OPCML: variants seen among roughly 807,000 people sequenced by gnomAD.
The protein encoded by OPCML is opioid-binding protein/cell adhesion molecule.
OPCML carries 13 observed loss-of-function variants against 37.8 expected under a neutral mutation model. The ratio of observed to expected loss-of-function variants is 0.34; its 90% CI spans 0.22 to 0.55. The LOEUF is 0.55. Among genes scored for constraint, OPCML ranks in the 20% least tolerant of loss-of-function variants. The probability of loss-of-function intolerance (pLI) is 0.91; values close to 1 mark genes in which losing one functional copy is unlikely to be tolerated. For synonymous variants in OPCML, 176 were observed against 168.8 expected (o/e 1.04, Z -0.33); for missense variants, 341 against 435.6 (o/e 0.78, Z 1.93).
intron 3 of OPCML, among the ~76,000 whole-genome samples, chr11:132,617,584 C>T (rs908940274): frequency 3.3e-5 from 5 of 152,238 alleles, no homozygotes; most frequent in African/African-American, 1.2e-4. Context: ...TCTCAGTCTT[C>T]TCAGGCTGCC....
At chr11:132,810,422 C>G (rs1939274124) in intron 2 of OPCML, among the ~76,000 whole-genome samples, 1 of 152,076 alleles carries the variant, frequency 6.6e-6, no homozygotes, top group African/African-American at 2.4e-5. Flanking sequence ...AAGCAAATAC[C>G]AGGCAGGGCA....
In OPCML at chr11:132,729,481, A is replaced by C. The variant is rs577335520; in HGVS notation, c.147-72162T>G. Among the ~76,000 whole-genome samples, 253 of 152,300 alleles carry C rather than the reference A, an allele frequency of 1.7e-3. 1 individual carries two copies. Among genetic ancestry groups the C allele is most frequent in the African/African-American group, 5.9e-3 (244 of 41,554 alleles). ...TAAGTCACACCTGTGTCAGGAACAG[A>C]ATGCCAAAAGATCCTTAATGTTACT... is the stretch of plus-strand genomic sequence containing the variant. On this transcript the variant is annotated intron_variant, in intron 2 of 7. Coordinates refer to ENST00000524381, the MANE Select transcript of OPCML (RefSeq NM_001012393.5).
Position 132,682,818 on chromosome 11 carries a change from G to A in OPCML, c.147-25499C>T, listed in dbSNP as rs75436944. Among the ~76,000 whole-genome samples the A allele has an allele frequency of 2.7e-3, 410 of 152,266 alleles. 2 individuals carry two copies. Among genetic ancestry groups the A allele is most frequent in the African/African-American group, 9.3e-3 (386 of 41,544 alleles). ...TCTATTCTACCAGACTTCACAATGC[G>A]TGACCCTCTCTCACACTGTGACCCA... On this transcript the variant is annotated intron_variant, in intron 2 of 7. Coordinates refer to ENST00000524381, the MANE Select transcript of OPCML (RefSeq NM_001012393.5).
chr11:132,641,527 G>C (rs1433206082), intron 3 of OPCML, among the ~76,000 whole-genome samples: 1 of 152,126 alleles, frequency 6.6e-6, no homozygotes, highest in Non-Finnish European at 1.5e-5. Context: ...CTTTTTAATG[G>C]CCTGGCCTTA....
At chr11:132,937,538 TGTGTGTGTGTGGA>T (rs1008024422) in intron 2 of OPCML, among the ~76,000 whole-genome samples, 1 of 146,666 alleles carries the variant, frequency 6.8e-6, no homozygotes, top group Non-Finnish European at 1.5e-5. Context: ...GTGTGTGTGG[TGTGTGTGTGTGGA>T]GTGTGTGTGT....
chr11:132,984,291 T>C (rs958092265), intron 1 of OPCML, among the ~76,000 whole-genome samples: 13 of 152,314 alleles, frequency 8.5e-5, no homozygotes, highest in African/African-American at 2.9e-4. Context: ...TACTCGATAA[T>C]TATTCATTTA....
At chr11:132,986,548 C>T (rs1946684363) in intron 1 of OPCML, among the ~76,000 whole-genome samples, 1 of 152,084 alleles carries the variant, frequency 6.6e-6, no homozygotes, top group African/African-American at 2.4e-5. Flanking sequence ...TAGCACTTTG[C>T]CTGGACCATA....
At chr11:133,192,263 A>G (rs544441687) in intron 1 of OPCML, among the ~76,000 whole-genome samples, 1 of 152,282 alleles carries the variant, frequency 6.6e-6, no homozygotes, top group South Asian at 2.1e-4. Flanking sequence ...ATGGCCCTGA[A>G]TGTTTTTCCA....
chr11:132,593,319 A>G (rs1053804179), intron 3 of OPCML, among the ~76,000 whole-genome samples: 8 of 152,274 alleles, frequency 5.3e-5, no homozygotes, highest in South Asian at 2.1e-4. Flanking sequence ...GAAGTGGTGG[A>G]GGCAGGCAGG....
chr11:132,931,146 A>C (rs530068440), intron 2 of OPCML, among the ~76,000 whole-genome samples: 1 of 149,754 alleles, frequency 6.7e-6, no homozygotes, highest in African/African-American at 2.5e-5. Context: ...ATATTACACC[A>C]TATACAAAAA....
intron 1 of OPCML, among the ~76,000 whole-genome samples, chr11:133,518,478 G>A (rs1197943651): frequency 1.3e-5 from 2 of 151,744 alleles, no homozygotes; most frequent in South Asian, 2.1e-4. Flanking sequence ...TGTGTGCATG[G>A]ATGTTTGTGT....
intron 1 of OPCML, among the ~76,000 whole-genome samples, chr11:133,214,737 G>A (rs1341866908): frequency 1.3e-5 from 2 of 152,070 alleles, no homozygotes; most frequent in Non-Finnish European, 2.9e-5. Context: ...TTTGCTCAGA[G>A]TAAACAAATT....
intron 1 of OPCML, among the ~76,000 whole-genome samples, chr11:133,140,218 A>ATAATAC (rs1247178440): frequency 6.9e-6 from 1 of 144,246 alleles, no homozygotes; most frequent in Non-Finnish European, 1.5e-5. Flanking sequence ...AATAATAATA[A>ATAATAC]TAATACTGAT....
intron 1 of OPCML, among the ~76,000 whole-genome samples, chr11:133,531,912 G>C (rs1456919956): frequency 6.6e-6 from 1 of 152,128 alleles, no homozygotes; most frequent in Non-Finnish European, 1.5e-5. Context: ...AAGGATTTAT[G>C]GCTGGGAGTT....
At chr11:133,483,181 A>G (rs1947415336) in intron 1 of OPCML, among the ~76,000 whole-genome samples, 1 of 152,172 alleles carries the variant, frequency 6.6e-6, no homozygotes. Flanking sequence ...AAAAATGTTG[A>G]GGTAAAACAA....
chr11:132,639,816 T>G (rs776743538), intron 3 of OPCML, among the ~76,000 whole-genome samples: 7 of 152,118 alleles, frequency 4.6e-5, no homozygotes, highest in Non-Finnish European at 1.0e-4. Flanking sequence ...AGCATAACCT[T>G]CCTATAAATA....
At chr11:133,438,652 T>A (rs569126601) in intron 1 of OPCML, among the ~76,000 whole-genome samples, 1 of 152,154 alleles carries the variant, frequency 6.6e-6, no homozygotes, top group South Asian at 2.1e-4. Context: ...ATGTCTTTGG[T>A]TTTAGTGAGG....
chr11:132,653,794 C>T (rs1042912517), intron 3 of OPCML, among the ~76,000 whole-genome samples: 5 of 152,174 alleles, frequency 3.3e-5, no homozygotes, highest in Admixed American at 6.5e-5. Context: ...CTGATGGCAT[C>T]TGGTTGGCAG....
At chr11:133,528,095 G>A (rs1229758286) in intron 1 of OPCML, among the ~76,000 whole-genome samples, 1 of 151,210 alleles carries the variant, frequency 6.6e-6, no homozygotes, top group African/African-American at 2.4e-5. Context: ...AAGCACAAAG[G>A]CAGACAGGAC....
Sources: allele counts gnomAD v4.1 joint callset (sites outside exome capture counted in the v4.1 genomes callset), GRCh38; gene constraint gnomAD v4.1.1; transcripts MANE v1.5; gene names NCBI Gene and HGNC (gene_info 2026-07-23, HGNC 2026-07-21).